Variants in CACNA1E observed in about 807,000 individuals in gnomAD.
The protein encoded by CACNA1E is voltage-dependent R-type calcium channel subunit alpha-1E.
CACNA1E carries 40 observed loss-of-function variants against 259.2 expected under a neutral mutation model. That is an observed-to-expected ratio of 0.15 (90% CI 0.12 to 0.20). The LOEUF (loss-of-function observed/expected upper bound fraction) is 0.20, where lower values mean the gene tolerates loss of function less well. Among genes scored for constraint, CACNA1E ranks in the 10% least tolerant of loss-of-function variants. The pLI, the probability that CACNA1E is intolerant of heterozygous loss-of-function variation, is 1.00. For synonymous variants in CACNA1E, 1,104 were observed against 1,138.5 expected, an observed-to-expected ratio of 0.97 and a Z score of 0.61; for missense variants, 1,874 against 3,040.1, an observed-to-expected ratio of 0.62 and a Z score of 9.02.
intron 1 of CACNA1E, among the ~76,000 whole-genome samples, chr1:181,339,740 C>T (rs78003402): frequency 6.6e-6 from 1 of 151,884 alleles, no homozygotes; most frequent in Non-Finnish European, 1.5e-5. Context: ...TGTGAGATTC[C>T]ACATCTTTAA....
In CACNA1E at chr1:181,799,635, G is replaced by A. The variant is rs1208557862; in HGVS notation, c.*801G>A. 1 of 152,534 alleles carries A rather than the reference G, an allele frequency of 6.6e-6. No homozygotes were observed. 9.4% of individuals were successfully genotyped at this position (152,534 alleles called of 1,614,324 possible). A position where few individuals can be genotyped will look rare whatever the true frequency, so the allele number is the denominator to read the frequency against. On this transcript the variant is annotated 3_prime_UTR_variant, in exon 48 of 48. Transcript: ENST00000367573. ...CCCAGGGTCCACAAAGGTGCCTGAGGCTCTGGTAAGGGTGAAGATAAAAGT... is the reference window on the plus strand; with the variant it reads ...CCCAGGGTCCACAAAGGTGCCTGAGACTCTGGTAAGGGTGAAGATAAAAGT...
chr1:181,383,771 A>G (rs555331700), intron 1 of CACNA1E, among the ~76,000 whole-genome samples: 1 of 152,300 alleles, frequency 6.6e-6, no homozygotes, highest in East Asian at 1.9e-4. Context: ...TGCCTCCCTT[A>G]CGGGGTATGA....
chr1:181,640,844 C>T (rs1345457022), intron 6 of CACNA1E, among the ~76,000 whole-genome samples: 2 of 152,192 alleles, frequency 1.3e-5, no homozygotes, highest in Non-Finnish European at 2.9e-5. Flanking sequence ...TATCGAGAAT[C>T]TCCTGTTTGT....
intron 7 of CACNA1E, among the ~76,000 whole-genome samples, chr1:181,707,344 G>A (rs1652889737): frequency 6.6e-6 from 1 of 152,176 alleles, no homozygotes; most frequent in African/African-American, 2.4e-5. Context: ...GGGACTGTGA[G>A]TTCCAGCTAG....
intron 3 of CACNA1E, among the ~76,000 whole-genome samples, chr1:181,565,785 G>A (rs1317449589): frequency 1.3e-5 from 2 of 152,284 alleles, no homozygotes; most frequent in Admixed American, 6.5e-5. Flanking sequence ...ACTTTTGGGG[G>A]TGTGGCTCCC....
intron 34 of CACNA1E, among the ~76,000 whole-genome samples, chr1:181,763,832 A>G (rs910934680): frequency 1.3e-5 from 2 of 152,218 alleles, no homozygotes; most frequent in Admixed American, 6.5e-5. Context: ...TGCTTCATCC[A>G]TAGAGATTCC....
At chr1:181,786,921 G>A (rs140374744) in intron 43 of CACNA1E, among the ~76,000 whole-genome samples, 2 of 152,256 alleles carry the variant, frequency 1.3e-5, no homozygotes, top group African/African-American at 4.8e-5. Flanking sequence ...AACATCTTTG[G>A]AAGAGAAGAA....
intron 24 of CACNA1E, 151 bp from the exon 25 acceptor site, chr1:181,738,996 C>G: frequency 1.5e-6 from 1 of 673,686 alleles, no homozygotes; most frequent in Non-Finnish European, 2.7e-6. Context: ...TGGAGAAAGC[C>G]TGCTGGACCT....
chr1:181,341,477 C>T (rs1287906578), intron 1 of CACNA1E, among the ~76,000 whole-genome samples: 1 of 152,210 alleles, frequency 6.6e-6, no homozygotes, highest in South Asian at 2.1e-4. Flanking sequence ...AAGGCAGCCT[C>T]CCTTATTCTC....
intron 3 of CACNA1E, among the ~76,000 whole-genome samples, chr1:181,546,088 T>A (rs1194786598): frequency 6.6e-6 from 1 of 151,880 alleles, no homozygotes; most frequent in Non-Finnish European, 1.5e-5. Context: ...GCCCCGACAG[T>A]CTTGTAAATG....
chr1:181,381,143 G>A (rs142250159), intron 1 of CACNA1E, among the ~76,000 whole-genome samples: 68 of 151,464 alleles, frequency 4.5e-4, no homozygotes, highest in African/African-American at 1.6e-3. Flanking sequence ...CTCCAGCCTG[G>A]GCACCAAGAG....
At chr1:181,746,558 T>A (rs1657102431) in intron 25 of CACNA1E, among the ~76,000 whole-genome samples, 1 of 152,182 alleles carries the variant, frequency 6.6e-6, no homozygotes, top group Non-Finnish European at 1.5e-5. Context: ...TTGGTATAGA[T>A]CTCTCCTCAA....
intron 7 of CACNA1E, among the ~76,000 whole-genome samples, chr1:181,657,418 A>G (rs1406195372): frequency 6.6e-6 from 1 of 152,202 alleles, no homozygotes; most frequent in African/African-American, 2.4e-5. Context: ...GGAAATGAAT[A>G]CCAGAAGAAA....
intron 1 of CACNA1E, among the ~76,000 whole-genome samples, chr1:181,490,543 GTTT>G (rs34093740): frequency 8.8e-5 from 11 of 125,290 alleles, no homozygotes; most frequent in Admixed American, 8.2e-5. Flanking sequence ...TGCCAAGCAT[GTTT>G]TTTTTTTTTT....
At chr1:181,458,195 T>C (rs1040493378) in intron 2 of CACNA1E, among the ~76,000 whole-genome samples, 1 of 152,034 alleles carries the variant, frequency 6.6e-6, no homozygotes, top group Admixed American at 6.6e-5. Flanking sequence ...TGGCTAGGGG[T>C]CGTCTCCAGT....
At chr1:181,679,922 G>A (rs1278908493) in intron 7 of CACNA1E, among the ~76,000 whole-genome samples, 3 of 152,006 alleles carry the variant, frequency 2.0e-5, no homozygotes, top group Non-Finnish European at 4.4e-5. Context: ...GGGCAACATT[G>A]TGGAACCTCA....
rs1304967528 is a variant in CACNA1E at position 181,798,263 on chromosome 1, T to C, written c.6400-29T>C. Reference sequence around the variant, plus strand: ...AGTAGGGATCATGCCAAGCCCAATCTAACATGCCATGTCTCTCCTGCTATA... The same window carrying C: ...AGTAGGGATCATGCCAAGCCCAATCCAACATGCCATGTCTCTCCTGCTATA... On this transcript the variant is annotated intron_variant, in intron 47 of 47. Coordinates refer to ENST00000367573, the MANE Select transcript of CACNA1E (RefSeq NM_001205293.3). This position sits in a 1 kb window ranked among gnomAD's most constrained non-coding sequence, Gnocchi z 4.2. 1.3e-6 allele frequency: 2 copies of C among 1,544,318 alleles called. No individual in the cohort carries two copies. The highest frequency in any genetic ancestry group is 3.6e-5 in the Admixed American group (2 of 56,206).
At chr1:181,700,657 T>C (rs146938156) in intron 7 of CACNA1E, among the ~76,000 whole-genome samples, 1 of 152,338 alleles carries the variant, frequency 6.6e-6, no homozygotes, top group East Asian at 1.9e-4. Context: ...AGCCTGGATT[T>C]TCCTGCCTGA....
At chr1:181,726,577 G>A (rs1037907625) in intron 18 of CACNA1E, among the ~76,000 whole-genome samples, 31 of 152,300 alleles carry the variant, frequency 2.0e-4, no homozygotes, top group African/African-American at 7.2e-4. Flanking sequence ...TGTAATTAAT[G>A]AGGGGAAATA....
Sources: allele counts gnomAD v4.1 joint callset (sites outside exome capture counted in the v4.1 genomes callset), GRCh38; gene constraint gnomAD v4.1.1; non-coding constraint Gnocchi (gnomAD v3.1); transcripts MANE v1.5; gene names NCBI Gene and HGNC (gene_info 2026-07-23, HGNC 2026-07-21).